The following NELL2 variants were observed in gnomAD, a reference collection of about 807,000 sequenced individuals.
The protein encoded by NELL2 is protein kinase C-binding protein NELL2.
A neutral mutation model predicts 109.6 loss-of-function variants in NELL2; 41 were observed. The ratio of observed to expected loss-of-function variants is 0.37; its 90% CI spans 0.29 to 0.49. NELL2 has a LOEUF of 0.49. Among genes scored for constraint, NELL2 ranks in the 20% least tolerant of loss-of-function variants. NELL2 has a pLI of 0.98. For missense variants in NELL2, 900 were observed against 1,008.3 expected (o/e 0.89, Z 1.45); for synonymous variants, 355 against 344.7 (o/e 1.03, Z -0.33).
At chr12:44,531,872 G>C (rs532577392) in intron 16 of NELL2, among the ~76,000 whole-genome samples, 1 of 152,120 alleles carries the variant, frequency 6.6e-6, no homozygotes, top group South Asian at 2.1e-4. Context: ...CTTTCAGTGC[G>C]GGTAGTTTCC....
intron 13 of NELL2, among the ~76,000 whole-genome samples, chr12:44,621,379 G>C (rs924611237): frequency 6.6e-6 from 1 of 152,124 alleles, no homozygotes; most frequent in Non-Finnish European, 1.5e-5. Context: ...GGCTGCCTCA[G>C]CTCAAATCCT....
intron 9 of NELL2, among the ~76,000 whole-genome samples, chr12:44,742,162 T>C (rs536234845): frequency 6.6e-6 from 1 of 152,192 alleles, no homozygotes; most frequent in Non-Finnish European, 1.5e-5. Context: ...CAATATCCGC[T>C]GTTCTGCAGC....
intron 2 of NELL2, among the ~76,000 whole-genome samples, chr12:44,831,724 T>C (rs1196546296): frequency 1.3e-5 from 2 of 152,214 alleles, no homozygotes; most frequent in Non-Finnish European, 2.9e-5. Flanking sequence ...GTCCCCACTC[T>C]TCTTTTCTTT....
At chr12:44,745,987 C>T (rs1940325636) in intron 9 of NELL2, among the ~76,000 whole-genome samples, 1 of 152,220 alleles carries the variant, frequency 6.6e-6, no homozygotes, top group Non-Finnish European at 1.5e-5. Flanking sequence ...CCCGCATTGC[C>T]AAGTCAATCC....
chr12:44,663,766 G>GTT (rs1947828335), intron 13 of NELL2, among the ~76,000 whole-genome samples: 1 of 152,176 alleles, frequency 6.6e-6, no homozygotes, highest in Admixed American at 6.5e-5. Flanking sequence ...ATATCCAACA[G>GTT]ACTCAGAATG....
chr12:44,555,995 C>T (rs995941911), intron 15 of NELL2, among the ~76,000 whole-genome samples: 2 of 152,288 alleles, frequency 1.3e-5, no homozygotes, highest in Admixed American at 1.3e-4. Context: ...CTCTGTCGAG[C>T]ACAGCAGTTA....
At chr12:44,899,351 A>G (rs1021851728) in intron 1 of NELL2, among the ~76,000 whole-genome samples, 3 of 152,142 alleles carry the variant, frequency 2.0e-5, no homozygotes, top group Non-Finnish European at 4.4e-5. Flanking sequence ...AAATGTTAAG[A>G]GCAGCCAAAC....
chr12:44,726,996 G>C (rs940460050), intron 9 of NELL2, among the ~76,000 whole-genome samples: 3 of 152,042 alleles, frequency 2.0e-5, no homozygotes, highest in African/African-American at 7.2e-5. Context: ...ATGAATGTTT[G>C]TCAAATCACC....
At chr12:44,735,749 T>A (rs139581998) in intron 9 of NELL2, among the ~76,000 whole-genome samples, 1 of 152,156 alleles carries the variant, frequency 6.6e-6, no homozygotes, top group Admixed American at 6.5e-5. Context: ...CTTGCTATTA[T>A]TTTTATCATT....
At chr12:44,697,646 TA>T (rs1379277524) in intron 12 of NELL2, among the ~76,000 whole-genome samples, 1 of 151,990 alleles carries the variant, frequency 6.6e-6, no homozygotes, top group Non-Finnish European at 1.5e-5. Flanking sequence ...TCAGATAAGA[TA>T]AAAAGAGAAC....
intron 15 of NELL2, among the ~76,000 whole-genome samples, chr12:44,583,485 G>A (rs985230776): frequency 2.6e-5 from 4 of 152,060 alleles, no homozygotes; most frequent in Admixed American, 1.3e-4. Flanking sequence ...ATAGTAGTGG[G>A]CACATCTTAC....
In NELL2 at chr12:44,639,023, T is replaced by C. The variant is rs1393773727; in HGVS notation, c.1444+26461A>G. Among the ~76,000 whole-genome samples, 3 of 152,222 alleles carry C rather than the reference T, an allele frequency of 2.0e-5. No homozygotes were observed. The East Asian group carries it at 5.8e-4, about 29-fold the overall frequency. On this transcript the variant is annotated intron_variant, in intron 13 of 19. Coordinates refer to ENST00000429094, the MANE Select transcript of NELL2 (RefSeq NM_001145108.2). The stretch of plus-strand genomic sequence containing the variant: ...ATAATCAATATAAAAATTATTGAGA[T>C]ATTTTAAATCTTTTTTCATGCCAAG...
At chr12:44,915,786 A>C (rs1414181898), upstream of NELL2, among the ~76,000 whole-genome samples, 2 of 140,708 alleles carry the variant, frequency 1.4e-5, no homozygotes, top group Non-Finnish European at 3.0e-5. Flanking sequence ...GAAGAGATGC[A>C]AAAAAAAATG....
chr12:44,828,908 T>A (rs1337757844), intron 2 of NELL2, among the ~76,000 whole-genome samples: 2 of 152,188 alleles, frequency 1.3e-5, no homozygotes, highest in African/African-American at 4.8e-5. Context: ...ACAGTAGTAA[T>A]GATCAACCAC....
At chr12:44,871,850 A>T (rs184419927) in intron 2 of NELL2, among the ~76,000 whole-genome samples, 79 of 152,312 alleles carry the variant, frequency 5.2e-4, no homozygotes, top group African/African-American at 1.8e-3. Flanking sequence ...ACAACTTGTA[A>T]AAAAAACATG....
intron 1 of NELL2, among the ~76,000 whole-genome samples, chr12:44,885,560 T>C (rs1464326538): frequency 1.3e-5 from 2 of 151,790 alleles, no homozygotes; most frequent in South Asian, 2.1e-4. Context: ...ATGAAATACT[T>C]ATGAAGAAAA....
chr12:44,742,197 C>T (rs1322751453), intron 9 of NELL2, among the ~76,000 whole-genome samples: 1 of 152,160 alleles, frequency 6.6e-6, no homozygotes, highest in African/African-American at 2.4e-5. Context: ...CCCAGGCAAA[C>T]AGGGTCTGGA....
chr12:44,584,881 G>A (rs1360632825), intron 15 of NELL2, among the ~76,000 whole-genome samples: 1 of 152,174 alleles, frequency 6.6e-6, no homozygotes, highest in Non-Finnish European at 1.5e-5. Flanking sequence ...TGCCATGGGA[G>A]TTAGTCATCA....
chr12:44,692,547 T>C (rs954962267), intron 12 of NELL2, among the ~76,000 whole-genome samples: 1 of 152,136 alleles, frequency 6.6e-6, no homozygotes, highest in Non-Finnish European at 1.5e-5. Flanking sequence ...ATAGCTGCCA[T>C]AGATAGTGAT....
Sources: allele counts gnomAD v4.1 joint callset (sites outside exome capture counted in the v4.1 genomes callset), GRCh38; gene constraint gnomAD v4.1.1; transcripts MANE v1.5; gene names NCBI Gene and HGNC (gene_info 2026-07-23, HGNC 2026-07-21).